Variants in FER observed in about 807,000 individuals in gnomAD.
The protein encoded by FER is tyrosine-protein kinase Fer.
A neutral mutation model predicts 111.0 loss-of-function variants in FER; 63 were observed. The ratio of observed to expected loss-of-function variants is 0.57; its 90% confidence interval spans 0.46 to 0.70. The LOEUF (loss-of-function observed/expected upper bound fraction) is 0.70. FER is among the 30% of genes least tolerant of loss of function. The probability of loss-of-function intolerance (pLI) is 0.00; values close to 1 mark genes in which losing one functional copy is unlikely to be tolerated. For missense variants in FER, 914 were observed against 954.0 expected (o/e 0.96, Z 0.55); for synonymous variants, 327 against 313.9 (o/e 1.04, Z -0.44).
chr5:108,990,458 A>G (rs1353081899), intron 13 of FER, among the ~76,000 whole-genome samples: 1 of 151,840 alleles, frequency 6.6e-6, no homozygotes, highest in Non-Finnish European at 1.5e-5. Flanking sequence ...ATGCATGTGT[A>G]TGTATGTAGA....
intron 2 of FER, among the ~76,000 whole-genome samples, chr5:108,792,489 C>G (rs1024100543): frequency 6.6e-6 from 1 of 152,112 alleles, no homozygotes; most frequent in Admixed American, 6.6e-5. Flanking sequence ...AGGCATGCGC[C>G]ACCACGCACG....
intron 17 of FER, among the ~76,000 whole-genome samples, chr5:109,143,982 A>G (rs185975458): frequency 2.6e-5 from 4 of 151,932 alleles, no homozygotes; most frequent in Non-Finnish European, 5.9e-5. Context: ...CCATTAACAC[A>G]CTGGCTCTTG....
At chr5:108,807,167 G>A (rs1163573881) in intron 3 of FER, among the ~76,000 whole-genome samples, 1 of 152,040 alleles carries the variant, frequency 6.6e-6, no homozygotes, top group Non-Finnish European at 1.5e-5. Flanking sequence ...CTCTCTTTTT[G>A]CTTGCCGCCA....
At chr5:109,007,275 A>G (rs1201352071) in intron 13 of FER, among the ~76,000 whole-genome samples, 1 of 152,152 alleles carries the variant, frequency 6.6e-6, no homozygotes, top group East Asian at 1.9e-4. Context: ...GTGTCCTTTC[A>G]TTTTGAAAAG....
At chr5:108,927,204 A>T (rs1286329377) in intron 10 of FER, among the ~76,000 whole-genome samples, 1 of 149,246 alleles carries the variant, frequency 6.7e-6, no homozygotes, top group African/African-American at 2.5e-5. Flanking sequence ...TCAACAGAAG[A>T]TTGCTCATTC....
At chr5:108,868,745 A>G (rs1764319834) in intron 6 of FER, among the ~76,000 whole-genome samples, 2 of 152,130 alleles carry the variant, frequency 1.3e-5, no homozygotes, top group African/African-American at 4.8e-5. Flanking sequence ...AAAATTCAAA[A>G]AAAGTAGTGA....
chr5:108,998,999 C>T (rs951920958), intron 13 of FER, among the ~76,000 whole-genome samples: 6 of 152,126 alleles, frequency 3.9e-5, no homozygotes, highest in African/African-American at 1.4e-4. Flanking sequence ...TGAAAAAATA[C>T]AGAGACTAAA....
chr5:109,067,370 G>A (rs180759900), intron 16 of FER, among the ~76,000 whole-genome samples: 1 of 152,172 alleles, frequency 6.6e-6, no homozygotes, highest in African/African-American at 2.4e-5. Context: ...TCTTCTTGAA[G>A]ATAGCTCCTC....
intron 18 of FER, among the ~76,000 whole-genome samples, chr5:109,183,255 T>TTTTG (rs1554161822): frequency 6.7e-6 from 1 of 148,902 alleles, no homozygotes; most frequent in East Asian, 2.0e-4. Context: ...CGTGTTTTTT[T>TTTTG]TTTTTTTTTT....
intron 16 of FER, among the ~76,000 whole-genome samples, chr5:109,078,402 T>C (rs1050622472): frequency 1.3e-5 from 2 of 152,204 alleles, no homozygotes; most frequent in African/African-American, 2.4e-5. Context: ...ATTATTTAGG[T>C]AGCTCCATGT....
chr5:108,765,353 AATT>A (rs560874664), intron 1 of FER, among the ~76,000 whole-genome samples: 148 of 152,322 alleles, frequency 9.7e-4, no homozygotes, highest in African/African-American at 3.3e-3. Context: ...GGAAAATAAA[AATT>A]ATAGAAAAGA....
At chr5:109,063,894 G>A (rs1392270265) in intron 16 of FER, among the ~76,000 whole-genome samples, 2 of 152,074 alleles carry the variant, frequency 1.3e-5, no homozygotes, top group Non-Finnish European at 2.9e-5. Context: ...TATGTTAACT[G>A]ATGTTATATC....
rs556021637 is a variant in FER, at chr5:108,926,859, A to AT, written c.1237-19262dup. On this transcript the variant is annotated intron_variant, in intron 10 of 19. Coordinates refer to ENST00000281092, the MANE Select transcript of FER (RefSeq NM_005246.4). Reference sequence around the variant, plus strand: ...TTTTTATATTCTGGTATTATTTATGATTTTTTTTTCAGTGAATTCTTACCA... The same window carrying AT: ...TTTTTATATTCTGGTATTATTTATGATTTTTTTTTTCAGTGAATTCTTACCA... Among the ~76,000 whole-genome samples, 145 of 151,118 alleles carry AT rather than the reference A, an allele frequency of 9.6e-4. 5 individuals are homozygous for AT. In the South Asian group the frequency reaches 0.026, roughly 28 times the overall value.
intron 5 of FER, among the ~76,000 whole-genome samples, chr5:108,850,724 A>G (rs987267594): frequency 6.6e-6 from 1 of 152,076 alleles, no homozygotes; most frequent in Admixed American, 6.6e-5. Flanking sequence ...AATTTTGTTT[A>G]TTTAGGGCAG....
intron 16 of FER, among the ~76,000 whole-genome samples, chr5:109,060,958 A>G (rs1347411790): frequency 6.6e-6 from 1 of 152,122 alleles, no homozygotes; most frequent in African/African-American, 2.4e-5. Context: ...CCAGAACTTT[A>G]ACTCAGACTG....
At chr5:108,971,850 C>G (rs1479248393) in intron 13 of FER, among the ~76,000 whole-genome samples, 1 of 152,006 alleles carries the variant, frequency 6.6e-6, no homozygotes, top group Non-Finnish European at 1.5e-5. Context: ...TTACAAATAT[C>G]TCATGATATT....
chr5:109,126,658 C>T (rs1751768804), intron 17 of FER, among the ~76,000 whole-genome samples: 1 of 152,124 alleles, frequency 6.6e-6, no homozygotes, highest in African/African-American at 2.4e-5. Flanking sequence ...ATTCAGTTAG[C>T]AGATACCGGA....
intron 13 of FER, among the ~76,000 whole-genome samples, chr5:109,005,987 T>G (rs1654081742): frequency 6.6e-6 from 1 of 152,218 alleles, no homozygotes. Flanking sequence ...TTTAAAATAT[T>G]TATTGTTTTT....
At chr5:108,754,582 A>G (rs1265851000) in intron 1 of FER, among the ~76,000 whole-genome samples, 1 of 152,150 alleles carries the variant, frequency 6.6e-6, no homozygotes, top group East Asian at 1.9e-4. Flanking sequence ...TTATTACACT[A>G]ATTTTATGTC....
Sources: allele counts gnomAD v4.1 joint callset (sites outside exome capture counted in the v4.1 genomes callset), GRCh38; gene constraint gnomAD v4.1.1; transcripts MANE v1.5; gene names NCBI Gene and HGNC (gene_info 2026-07-23, HGNC 2026-07-21).